IMPACT: variants seen among roughly 807,000 people sequenced by gnomAD.
IMPACT encodes impact RWD domain protein, also known as protein IMPACT.
IMPACT carries 35 observed loss-of-function variants against 47.5 expected under a neutral mutation model. The observed-to-expected ratio is 0.74, with a 90% CI of 0.56 to 0.98. The LOEUF (loss-of-function observed/expected upper bound fraction) is 0.98, where lower values mean the gene tolerates loss of function less well. IMPACT is among the 50% of genes least tolerant of loss of function. The pLI is 0.00. For synonymous variants in IMPACT, 118 were observed against 125.6 expected (o/e 0.94, Z 0.40); for missense variants, 373 against 394.8 (o/e 0.94, Z 0.47).
Position 24,449,913 on chromosome 18 carries a change from C to T in IMPACT, c.854C>T (p.Ala285Val). ...PDRFKHINNC[A>V]RNILVEKNYT... The stretch of plus-strand genomic sequence containing the variant: ...CGCTTTAAACATATCAACAACTGTG[C>T]CAGAAACATACTAGTGGAAAAGAAC... The change falls in exon 10 of 11, where the codon GCC (alanine) becomes GTC (valine). Residue 285 changes from alanine to valine, a missense_variant. Ala to Val is a moderately conservative substitution (Grantham distance 64, BLOSUM62 0). Coordinates refer to ENST00000284202, the MANE Select transcript of IMPACT (RefSeq NM_018439.4). 1 of 1,613,824 alleles carries T rather than the reference C, an allele frequency of 6.2e-7. No individual in the cohort carries two copies. Among genetic ancestry groups the T allele is most frequent in the Non-Finnish European group, 8.5e-7 (1 of 1,179,810 alleles).
intron 3 of IMPACT, among the ~76,000 whole-genome samples, chr18:24,429,870 C>T (rs138253227): frequency 5.1e-4 from 77 of 152,042 alleles, no homozygotes; most frequent in African/African-American, 1.8e-3. Context: ...CTCCGCCTCC[C>T]GGGTTCACAC....
rs139079767 is a variant in IMPACT, at chr18:24,447,259, A to G, written c.669-834A>G. On this transcript the variant is annotated intron_variant, in intron 8 of 10. Coordinates refer to ENST00000284202, the MANE Select transcript of IMPACT (RefSeq NM_018439.4). ...TGAGCTTTTATAGCTTTTAGTATTT[A>G]CATTAAAAGTTTACAGCTTTTTATG... Among the ~76,000 whole-genome samples the G allele has an allele frequency of 6.9e-3, 1,055 of 152,266 alleles. 17 individuals are homozygous for G. Among genetic ancestry groups the G allele is most frequent in the African/African-American group, 0.024 (981 of 41,540 alleles).
Position 24,448,186 on chromosome 18 carries a change from A to G in IMPACT, c.759+3A>G, listed in dbSNP as rs568546569. ...GGCGTCTTCTTCATCTCATGGAGGT[A>G]GGTGTAAGTTAAACTATCAATCCTG... On this transcript the variant is annotated splice_donor_region_variant and intron_variant, in intron 9 of 10. Coordinates refer to ENST00000284202, the MANE Select transcript of IMPACT (RefSeq NM_018439.4). The G allele has an allele frequency of 2.4e-5, 38 of 1,603,880 alleles. No individual in the cohort carries two copies. Among genetic ancestry groups the G allele is most frequent in the Non-Finnish European group, 3.1e-5 (36 of 1,170,818 alleles).
At chr18:24,444,573 G>C (rs1339848494) in intron 7 of IMPACT, among the ~76,000 whole-genome samples, 4 of 152,156 alleles carry the variant, frequency 2.6e-5, no homozygotes, top group Non-Finnish European at 4.4e-5. Context: ...TTATTACACA[G>C]ATCCTTTGTA....
chr18:24,430,320 A>G lies in IMPACT; in HGVS notation c.219-2A>G. 2.5e-6 allele frequency: 4 copies of G among 1,585,668 alleles called. No individual in the cohort carries two copies. Among genetic ancestry groups the G allele is most frequent in the Non-Finnish European group, 3.4e-6 (4 of 1,165,450 alleles). The stretch of plus-strand genomic sequence containing the variant: ...CTTCTTAATTGTTTTATTTAATCTT[A>G]GTGCTCCTTGGCTTAAAGGGCAAGA... On this transcript the variant is annotated splice_acceptor_variant, in intron 3 of 10. Transcript: ENST00000284202. LOFTEE classifies it high-confidence loss of function.
intron 4 of IMPACT, among the ~76,000 whole-genome samples, chr18:24,434,727 C>T (rs1484753691): frequency 7.0e-6 from 1 of 143,694 alleles, no homozygotes; most frequent in Non-Finnish European, 1.5e-5. Flanking sequence ...CGTGCCATTG[C>T]ACTCCAGCCT....
rs202165437 is a variant in IMPACT, at chr18:24,435,217, G to A, written c.282-2738G>A. On this transcript the variant is annotated intron_variant, in intron 4 of 10. Coordinates refer to ENST00000284202, the MANE Select transcript of IMPACT (RefSeq NM_018439.4). ...ATTCCTGGCCTCAAGTGATCTATCT[G>A]TCTCTGCATATCAAAATGTTGAAAT... 7 of 152,056 alleles carry A rather than the reference G, an allele frequency of 4.6e-5. No individual in the cohort carries two copies. In the East Asian group the frequency reaches 1.2e-3, roughly 25 times the overall value. The allele number at this position is 152,056 out of a possible 1,614,324, so 9.4% of individuals were successfully genotyped here.
rs768676938 is a variant in IMPACT, at chr18:24,430,385, G to A, written c.281+1G>A. On this transcript the variant is annotated splice_donor_variant, in intron 4 of 10. Coordinates refer to ENST00000284202, the MANE Select transcript of IMPACT (RefSeq NM_018439.4). LOFTEE classifies it high-confidence loss of function. ...CAAATAGCCTTGAGGAAATATATAT[G>A]TAAGTGACAGGCGATTTTTTAAAAT... 6.3e-7 allele frequency: 1 copy of A among 1,590,458 alleles called. No homozygotes were observed. Among genetic ancestry groups the A allele is most frequent in the Non-Finnish European group, 8.5e-7 (1 of 1,170,208 alleles).
intron 7 of IMPACT, 119 bp downstream of exon 7, chr18:24,443,271 T>G: frequency 2.0e-6 from 1 of 492,208 alleles, no homozygotes; most frequent in Non-Finnish European, 3.6e-6. Context: ...TAAAAATTAT[T>G]TGTTCATTTT....
chr18:24,449,766 CAT>C (rs1909331926), intron 9 of IMPACT, 51 bp from the exon 10 acceptor site: 1 of 1,491,538 alleles, frequency 6.7e-7, no homozygotes, highest in East Asian at 2.3e-5. Context: ...TTTTAAAACT[CAT>C]ATTTATACAT....
chr18:24,428,506 A>G (rs767203048), intron 2 of IMPACT, among the ~76,000 whole-genome samples: 1 of 152,210 alleles, frequency 6.6e-6, no homozygotes, highest in Non-Finnish European at 1.5e-5. Context: ...TTAGTGCTTA[A>G]TCTTTGATGA....
rs1909440641 is a variant in IMPACT, at chr18:24,453,467, A to G, written c.*2620A>G. 6.6e-6 allele frequency: 1 copy of G among 152,176 alleles called. No homozygotes were observed. The highest frequency in any genetic ancestry group is 2.4e-5 in the African/African-American group (1 of 41,438). 9.4% of individuals were successfully genotyped at this position (152,176 alleles called of 1,614,324 possible). On this transcript the variant is annotated 3_prime_UTR_variant, in exon 11 of 11. Transcript: ENST00000284202. ...CTGTATATACTGTTTTGTAGCCTAC[A>G]TATTTCATATAGAAGTATATTGTTA... is the stretch of plus-strand genomic sequence containing the variant.
At chr18:24,428,072 C>T in intron 2 of IMPACT, 25 bp downstream of exon 2, 1 of 1,556,018 alleles carries the variant, frequency 6.4e-7, no homozygotes, top group African/African-American at 1.4e-5. Context: ...TTCCTTGCAG[C>T]CATCTTTCAG....
chr18:24,435,005 TCTCTGTTACCCA>T (rs1414110863), intron 4 of IMPACT, among the ~76,000 whole-genome samples: 1 of 150,864 alleles, frequency 6.6e-6, no homozygotes, highest in Non-Finnish European at 1.5e-5. Context: ...GTGGGGTCTA[TCTCTGTTACCCA>T]GGCTGGAGTG....
At chr18:24,436,885 T>C (rs75875006) in intron 4 of IMPACT, among the ~76,000 whole-genome samples, 15,805 of 152,118 alleles carry the variant, frequency 0.1, 893 homozygotes, top group East Asian at 0.14. Flanking sequence ...GCTTATAATA[T>C]TGAAAATTAG....
At chr18:24,428,563 C>T (rs1485714734) in intron 2 of IMPACT, among the ~76,000 whole-genome samples, 1 of 151,982 alleles carries the variant, frequency 6.6e-6, no homozygotes, top group Non-Finnish European at 1.5e-5. Context: ...CAGTTTTTGC[C>T]AGTGTTTGTT....
intron 2 of IMPACT, 60 bp downstream of exon 2, chr18:24,428,107 C>G: frequency 1.5e-6 from 2 of 1,369,070 alleles, no homozygotes; most frequent in Admixed American, 2.7e-5. Flanking sequence ...ATATTGTTGA[C>G]TTCTGTATTC....
chr18:24,445,510 A>T, intron 8 of IMPACT, 44 bp downstream of exon 8: 1 of 1,135,908 alleles, frequency 8.8e-7, no homozygotes, highest in African/African-American at 1.6e-5. Flanking sequence ...TTTGTTAAAA[A>T]TAGAGGGAAA....
chr18:24,445,334 C>T (rs1909221948), intron 7 of IMPACT, 59 bp from the exon 8 acceptor site: 5 of 1,008,394 alleles, frequency 5.0e-6, no homozygotes, highest in South Asian at 1.4e-5. Flanking sequence ...ATTTTTCTAG[C>T]ATTTATTTAC....
Sources: allele counts gnomAD v4.1 joint callset (sites outside exome capture counted in the v4.1 genomes callset), GRCh38; gene constraint gnomAD v4.1.1; transcripts MANE v1.5; gene names NCBI Gene and HGNC (gene_info 2026-07-23, HGNC 2026-07-21).